Variants in MADCAM1 observed in about 807,000 individuals in gnomAD.
The protein encoded by MADCAM1 is mucosal addressin cell adhesion molecule 1.
In MADCAM1, 19 loss-of-function variants were observed where a neutral mutation model predicts 26.1. The observed-to-expected ratio is 0.73, with a 90% CI of 0.51 to 1.07. The LOEUF (loss-of-function observed/expected upper bound fraction) is 1.07. Ranked by LOEUF, MADCAM1 falls within the 50% of genes least tolerant of loss-of-function variation. The probability of loss-of-function intolerance (pLI) is 0.00; values close to 1 mark genes in which losing one functional copy is unlikely to be tolerated. For missense variants in MADCAM1, 514 were observed against 542.1 expected (o/e 0.95, Z 0.51); for synonymous variants, 268 against 260.9 (o/e 1.03, Z -0.26).
At chr19:504,512 C>G (rs1438817555) in intron 4 of MADCAM1, among the ~76,000 whole-genome samples, 1 of 152,148 alleles carries the variant, frequency 6.6e-6, no homozygotes, top group African/African-American at 2.4e-5. Context: ...CCCGCTTTGG[C>G]CTCCCGAAGT....
chr19:503,535 C>T (rs111621946), intron 4 of MADCAM1, among the ~76,000 whole-genome samples: 2 of 148,094 alleles, frequency 1.4e-5, no homozygotes, highest in East Asian at 2.0e-4. Context: ...GAGCCGAGAT[C>T]GCGCCACTGC....
Position 497,793 on chromosome 19 carries a change from G to C in MADCAM1, c.53-40G>C, listed in dbSNP as rs890687901. 1,693 of 1,249,518 alleles carry C rather than the reference G, an allele frequency of 1.4e-3. 1 individual carries two copies. Among genetic ancestry groups the C allele is most frequent in the Non-Finnish European group, 1.6e-3 (1,565 of 997,206 alleles). The allele number at this position is 1,249,518 out of a possible 1,614,324, so 77.4% of individuals were successfully genotyped here. A position where few individuals can be genotyped will look rare whatever the true frequency, so the allele number is the denominator to read the frequency against. On this transcript the variant is annotated intron_variant, in intron 1 of 4. Transcript: ENST00000215637. ...CAGGGCCGGTGGCGGGGCGGGGTCC[G>C]GGACTCCGCGGGGCTGAGCGAGAGC...
chr19:503,332 T>G (rs148333660), intron 4 of MADCAM1, among the ~76,000 whole-genome samples: 6 of 148,196 alleles, frequency 4.0e-5, no homozygotes, highest in Non-Finnish European at 8.9e-5. Context: ...CTGTAATCCC[T>G]GCACTTTGGG....
intron 3 of MADCAM1, chr19:500,002 G>A: frequency 2.2e-6 from 1 of 447,184 alleles, no homozygotes; most frequent in Admixed American, 2.4e-5. Context: ...TGGGGGTGGG[G>A]CTGGGGTGGG....
rs1174831386 is a variant in MADCAM1 at position 504,991 on chromosome 19, G to C, written c.*26G>C. The C allele has an allele frequency of 1.3e-6, 2 of 1,541,504 alleles. No homozygotes were observed. The highest frequency in any genetic ancestry group is 1.9e-5 in the Admixed American group (1 of 53,984). ...GTGGCCAGCCTTTCCCCCTGTGAAA[G>C]CAAAATAGCTTGGACCCCTTCAAGT... is the stretch of plus-strand genomic sequence containing the variant. On this transcript the variant is annotated 3_prime_UTR_variant, in exon 5 of 5. Coordinates refer to ENST00000215637, the MANE Select transcript of MADCAM1 (RefSeq NM_130760.3).
rs538493090 is a variant in MADCAM1 at position 505,080 on chromosome 19, A to G, written c.*115A>G. 1.5e-4 allele frequency: 110 copies of G among 717,790 alleles called. No homozygotes were observed. In the African/African-American group the frequency reaches 1.8e-3, roughly 12 times the overall value. The allele number at this position is 717,790 out of a possible 1,614,324, so 44.5% of individuals were successfully genotyped here. On this transcript the variant is annotated 3_prime_UTR_variant, in exon 5 of 5. Coordinates refer to ENST00000215637, the MANE Select transcript of MADCAM1 (RefSeq NM_130760.3). ...CAAAGTCATCCCTCTGTTCACAGAG[A>G]TGGATGCATGTTCTGATTGCCTCTT...
At chr19:497,792 C>G in intron 1 of MADCAM1, 41 bp from the exon 2 acceptor site, 1 of 1,250,286 alleles carries the variant, frequency 8.0e-7, no homozygotes, top group Non-Finnish European at 1.0e-6. Flanking sequence ...GGGCGGGGTC[C>G]GGGACTCCGC....
intron 3 of MADCAM1, chr19:499,924 T>G (rs117528364): frequency 4.5e-6 from 2 of 447,540 alleles, no homozygotes; most frequent in Admixed American, 4.8e-5. Context: ...GGACGTGAGG[T>G]CGTGAGTTTC....
At chr19:499,535 C>CACAGGCACACGCGTGTACAA (rs1441598547) in intron 3 of MADCAM1, among the ~76,000 whole-genome samples, 2 of 152,240 alleles carry the variant, frequency 1.3e-5, no homozygotes, top group African/African-American at 4.8e-5. Context: ...AACACAGGCA[C>CACAGGCACACGCGTGTACAA]ACAGGCACAC....
intron 3 of MADCAM1, chr19:499,771 C>A (rs1394426636): frequency 2.2e-6 from 1 of 456,110 alleles, no homozygotes; most frequent in East Asian, 6.9e-5. Context: ...TTGCTGAATG[C>A]TCGGATGAAG....
At chr19:499,525 AACACAGGC>A (rs1024639545) in intron 3 of MADCAM1, among the ~76,000 whole-genome samples, 23 of 151,984 alleles carry the variant, frequency 1.5e-4, no homozygotes, top group East Asian at 9.7e-4. Flanking sequence ...CGCGTGTACA[AACACAGGC>A]ACACAGGCAC....
intron 1 of MADCAM1, among the ~76,000 whole-genome samples, chr19:497,333 G>T (rs1259044018): frequency 1.3e-5 from 1 of 76,026 alleles, no homozygotes; most frequent in Admixed American, 1.2e-4. Context: ...GAGAAGGGGG[G>T]CCCGGGAGAG....
At position 503,530 on chromosome 19, in the gene MADCAM1, G is replaced by A. The variant is rs373646796; in HGVS notation, c.929-1215G>A. ...TGGGAGGCGGAGCCTGCAGTGAGCCGAGATCGCGCCACTGCACTCCAACCT... is the reference window on the plus strand; with the variant it reads ...TGGGAGGCGGAGCCTGCAGTGAGCCAAGATCGCGCCACTGCACTCCAACCT... On this transcript the variant is annotated intron_variant, in intron 4 of 4. Coordinates refer to ENST00000215637, the MANE Select transcript of MADCAM1 (RefSeq NM_130760.3). Among the ~76,000 whole-genome samples the A allele has an allele frequency of 8.3e-4, 119 of 143,628 alleles. No individual in the cohort carries two copies. In the South Asian group the frequency reaches 9.1e-3, roughly 11 times the overall value. 94.2% of individuals were successfully genotyped at this position (143,628 alleles called of 152,430 possible).
At chr19:499,937 G>A (rs1317501563) in intron 3 of MADCAM1, 1 of 440,598 alleles carries the variant, frequency 2.3e-6, no homozygotes, top group Non-Finnish European at 4.6e-6. Context: ...TGAGTTTCAA[G>A]CAAAGGGCTC....
At chr19:504,262 T>A in intron 4 of MADCAM1, among the ~76,000 whole-genome samples, 2 of 139,972 alleles carry the variant, frequency 1.4e-5, no homozygotes, top group Admixed American at 7.1e-5. Flanking sequence ...GCCCTTTTTT[T>A]TTTTTTTTTT....
intron 3 of MADCAM1, chr19:499,950 G>A (rs1224970259): frequency 4.5e-6 from 2 of 449,004 alleles, no homozygotes; most frequent in Non-Finnish European, 4.5e-6. Flanking sequence ...AAGGGCTCCC[G>A]GGGATAAAGC....
rs751393887 is a variant in MADCAM1 at position 501,826 on chromosome 19, G to A, written c.825G>A (p.Gln275=). The A allele has an allele frequency of 1.1e-5, 16 of 1,483,900 alleles. No individual in the cohort carries two copies. Among genetic ancestry groups the A allele is most frequent in the Non-Finnish European group, 1.4e-5 (15 of 1,108,690 alleles). The allele number at this position is 1,483,900 out of a possible 1,614,324, so 91.9% of individuals were successfully genotyped here. A position where few individuals can be genotyped will look rare whatever the true frequency, so the allele number is the denominator to read the frequency against. Residue 275 remains glutamine, a synonymous_variant, in exon 4 of 5, where the codon CAG becomes CAA. Coordinates refer to ENST00000215637, the MANE Select transcript of MADCAM1 (RefSeq NM_130760.3). The part of the protein sequence containing the change: ...PDKTSPEPAP[Q]QGSTHTPRSP... ...AGACCTCCCCGGAGCCCGCCCCCCAGCAGGGCTCCACACACACCCCCAGGA... is the reference window on the plus strand; with the variant it reads ...AGACCTCCCCGGAGCCCGCCCCCCAACAGGGCTCCACACACACCCCCAGGA...
chr19:502,036 C>T lies in MADCAM1; in HGVS notation c.928+107C>T. The T allele has an allele frequency of 4.1e-6, 5 of 1,206,384 alleles. No individual in the cohort carries two copies. The South Asian group carries it at 8.7e-5, about 21-fold the overall frequency. 74.7% of individuals were successfully genotyped at this position (1,206,384 alleles called of 1,614,324 possible). ...ATTGCCCTGCCCAGCCTTGGTTTCC[C>T]CGTCTGCCCAGCCTCAGTTTCCCCG... is the stretch of plus-strand genomic sequence containing the variant. On this transcript the variant is annotated intron_variant, in intron 4 of 4. Transcript: ENST00000215637.
intron 2 of MADCAM1, 47 bp from the exon 3 acceptor site, chr19:498,449 C>T: frequency 7.0e-7 from 1 of 1,429,526 alleles, no homozygotes; most frequent in Admixed American, 2.8e-5. Flanking sequence ...CCATCACGTC[C>T]AGCCCTGACT....
Sources: allele counts gnomAD v4.1 joint callset (sites outside exome capture counted in the v4.1 genomes callset), GRCh38; gene constraint gnomAD v4.1.1; transcripts MANE v1.5; gene names NCBI Gene and HGNC (gene_info 2026-07-23, HGNC 2026-07-21).